ZNF469: variants seen among roughly 807,000 people sequenced by gnomAD.
ZNF469 encodes the protein zinc finger protein 469.
A neutral mutation model predicts 1.0 loss-of-function variants in ZNF469; 1 was observed. The observed-to-expected ratio is 1.00, with a 90% CI of 0.35 to 4.73. The LOEUF is 4.73. ZNF469 is among the 30% of genes most tolerant of loss of function. The probability of loss-of-function intolerance (pLI) is 0.16; values close to 1 mark genes in which losing one functional copy is unlikely to be tolerated. For missense variants in ZNF469, 6,100 were observed against 5,356.3 expected (o/e 1.14, Z -4.33); for synonymous variants, 2,703 against 2,363.4 (o/e 1.14, Z -4.17).
At chr16:88,409,746 G>T (rs536557119) in intron 1 of ZNF469, among the ~76,000 whole-genome samples, 12 of 152,164 alleles carry the variant, frequency 7.9e-5, no homozygotes, top group African/African-American at 2.7e-4. Context: ...CGGTAAAGCA[G>T]GCCGGGGCCC....
At chr16:88,299,999 G>A in the ZNF469 span, among the ~76,000 whole-genome samples, 1 of 152,230 alleles carries the variant, frequency 6.6e-6, no homozygotes, top group Non-Finnish European at 1.5e-5. Flanking sequence ...TGCTGTGATG[G>A]AGGCAGCGCA....
intron 1 of ZNF469, among the ~76,000 whole-genome samples, chr16:88,410,867 A>G (rs1343851929): frequency 6.6e-6 from 1 of 152,058 alleles, no homozygotes; most frequent in African/African-American, 2.4e-5. Flanking sequence ...GGGCAAGGCC[A>G]CCTCCTGCTC....
In ZNF469 at chr16:88,429,842, T is replaced by A. The variant is rs1906006352; in HGVS notation, c.2372T>A (p.Leu791His). 1 of 1,548,634 alleles carries A rather than the reference T, an allele frequency of 6.5e-7. No individual in the cohort carries two copies. The highest frequency in any genetic ancestry group is 8.7e-7 in the Non-Finnish European group (1 of 1,145,980). The change falls in exon 3 of 3, where the codon CTC becomes CAC. Residue 791 changes from leucine to histidine, a missense_variant. Transcript: ENST00000565624. ...RVPADAHAGL[L>H]SHAKTFLLAG... ...CCTGCCGACGCACACGCGGGCTTGC[T>A]CAGCCACGCGAAGACCTTCCTGTTA...
chr16:88,118,404 G>A, the ZNF469 span, among the ~76,000 whole-genome samples: 2 of 152,306 alleles, frequency 1.3e-5, no homozygotes, highest in East Asian at 1.9e-4. Flanking sequence ...GGATGGGGCC[G>A]GTGTCAGCAA....
At chr16:88,293,857 C>T in the ZNF469 span, among the ~76,000 whole-genome samples, 1 of 152,092 alleles carries the variant, frequency 6.6e-6, no homozygotes, top group South Asian at 2.1e-4. Flanking sequence ...GGTAGCTGAT[C>T]GGGAAAGGTT....
the ZNF469 span, among the ~76,000 whole-genome samples, chr16:88,316,540 G>GCCGGC: frequency 1.2e-5 from 1 of 82,554 alleles, no homozygotes; most frequent in African/African-American, 5.3e-5. Context: ...GAGTATAGGT[G>GCCGGC]CTGTCTTTTT....
the ZNF469 span, among the ~76,000 whole-genome samples, chr16:88,355,752 T>G: frequency 6.6e-6 from 1 of 152,156 alleles, no homozygotes; most frequent in Non-Finnish European, 1.5e-5. Flanking sequence ...AGACCCAGCA[T>G]GGCGACAGCT....
rs928045537 is a variant in ZNF469, at chr16:88,432,185, A to C, written c.4715A>C (p.Glu1572Ala). Reference sequence around the variant, plus strand: ...ATCCAGAAATTGGTCACCGAATTAGAAAGTCAGCTGCAAAGGAGCAAAGAC... The same window carrying C: ...ATCCAGAAATTGGTCACCGAATTAGCAAGTCAGCTGCAAAGGAGCAAAGAC... ...LEIQKLVTEL[E>A]SQLQRSKDTR... Residue 1572 changes from glutamate to alanine, a missense_variant, in exon 3 of 3, where the codon GAA (glutamate) becomes GCA (alanine). Physicochemically the swap from Glu to Ala is moderately radical, Grantham distance 107. Coordinates refer to ENST00000565624, the MANE Select transcript of ZNF469 (RefSeq NM_001367624.2). 1.9e-6 allele frequency: 3 copies of C among 1,550,346 alleles called. No homozygotes were observed. Among genetic ancestry groups the C allele is most frequent in the Non-Finnish European group, 1.7e-6 (2 of 1,146,990 alleles).
At chr16:88,122,492 T>TATAG in the ZNF469 span, among the ~76,000 whole-genome samples, 1 of 146,444 alleles carries the variant, frequency 6.8e-6, no homozygotes, top group Middle Eastern at 3.8e-3. Flanking sequence ...TCACTCGCTA[T>TATAG]GGCCACGGCG....
the ZNF469 span, among the ~76,000 whole-genome samples, chr16:88,337,834 T>G: frequency 6.6e-6 from 1 of 152,220 alleles, no homozygotes; most frequent in Non-Finnish European, 1.5e-5. Context: ...AATGGGGTTG[T>G]CTGGCTTTTT....
the ZNF469 span, among the ~76,000 whole-genome samples, chr16:88,187,135 G>A: frequency 6.6e-6 from 1 of 152,092 alleles, no homozygotes; most frequent in African/African-American, 2.4e-5. Flanking sequence ...TGAGGTGTCT[G>A]TGGAGACCCC....
chr16:88,277,035 CCA>C, the ZNF469 span, among the ~76,000 whole-genome samples: 1 of 151,252 alleles, frequency 6.6e-6, no homozygotes, highest in East Asian at 2.0e-4. Context: ...TTGGTCAGTA[CCA>C]TGTATATATC....
chr16:88,422,301 A>ATGGATGGATGG (rs1905492201), intron 1 of ZNF469, among the ~76,000 whole-genome samples: 1 of 7,962 alleles, frequency 1.3e-4, no homozygotes, highest in African/African-American at 2.7e-4. Flanking sequence ...TGGATGGATG[A>ATGGATGGATGG]GTGGGTGGAT....
chr16:88,391,809 A>T (rs2142265316), intron 1 of ZNF469, among the ~76,000 whole-genome samples: 1 of 152,276 alleles, frequency 6.6e-6, no homozygotes, highest in South Asian at 2.1e-4. Context: ...AATTTTTATG[A>T]GCATTTTGAA....
At chr16:88,284,280 C>A in the ZNF469 span, among the ~76,000 whole-genome samples, 20 of 152,220 alleles carry the variant, frequency 1.3e-4, no homozygotes, top group Non-Finnish European at 7.3e-5. Flanking sequence ...GACAGAGCCC[C>A]TGGCTAAATA....
chr16:88,333,980 G>A, the ZNF469 span, among the ~76,000 whole-genome samples: 3 of 151,566 alleles, frequency 2.0e-5, no homozygotes, highest in Non-Finnish European at 4.4e-5. Flanking sequence ...GTGCATCTGT[G>A]TGTATCTGTG....
the ZNF469 span, among the ~76,000 whole-genome samples, chr16:88,167,875 T>C: frequency 2.4e-4 from 37 of 152,322 alleles, no homozygotes; most frequent in East Asian, 7.0e-3. Context: ...TAGGTTTTAA[T>C]GAGAATAATG....
chr16:88,322,151 C>T, the ZNF469 span, among the ~76,000 whole-genome samples: 4 of 152,238 alleles, frequency 2.6e-5, no homozygotes, highest in Admixed American at 2.6e-4. Flanking sequence ...CTCCGACCCT[C>T]CCCGCGGCCT....
At chr16:88,331,618 C>T in the ZNF469 span, among the ~76,000 whole-genome samples, 1 of 151,930 alleles carries the variant, frequency 6.6e-6, no homozygotes, top group Non-Finnish European at 1.5e-5. Context: ...CCATCATCAT[C>T]ATCACTATTG....
Sources: gnomAD v4.1 joint callset for allele counts (sites outside exome capture counted in the v4.1 genomes callset) on GRCh38, gnomAD v4.1.1 for gene constraint, MANE v1.5 for transcripts, NCBI Gene and HGNC (gene_info 2026-07-23, HGNC 2026-07-21) for gene names.